Variants in STK32B observed in about 807,000 individuals in gnomAD.
STK32B encodes serine/threonine kinase 32B.
A neutral mutation model predicts 52.6 loss-of-function variants in STK32B; 43 were observed. The observed-to-expected ratio is 0.82, with a 90% CI of 0.64 to 1.05. STK32B has a LOEUF of 1.05. STK32B is among the 50% of genes least tolerant of loss of function. The probability of loss-of-function intolerance (pLI) is 0.00; values close to 1 mark genes in which losing one functional copy is unlikely to be tolerated. For synonymous variants in STK32B, 238 were observed against 204.3 expected (o/e 1.17, Z -1.41); for missense variants, 621 against 534.6 (o/e 1.16, Z -1.59).
chr4:5,031,836 G>A, the STK32B span, among the ~76,000 whole-genome samples: 1 of 152,136 alleles, frequency 6.6e-6, no homozygotes, highest in Non-Finnish European at 1.5e-5. Context: ...ACCCAGTTGT[G>A]GGTGTGAGGA....
chr4:5,457,364 C>G (rs1292223132), intron 8 of STK32B, among the ~76,000 whole-genome samples: 6 of 151,172 alleles, frequency 4.0e-5, no homozygotes, highest in Admixed American at 4.0e-4. Context: ...TACAGGCACC[C>G]GCCAACACGC....
chr4:5,155,279 A>G (rs1717724220), intron 2 of STK32B, among the ~76,000 whole-genome samples: 1 of 152,086 alleles, frequency 6.6e-6, no homozygotes, highest in Admixed American at 6.5e-5. Context: ...CCTTTTCTTT[A>G]TAGCACCTAT....
intron 1 of STK32B, chr4:5,126,965 G>A (rs960942880): frequency 1.3e-5 from 5 of 398,804 alleles, no homozygotes; most frequent in Non-Finnish European, 2.5e-5. Flanking sequence ...ATAGGTAATA[G>A]TTGGGATACT....
chr4:5,180,784 A>G (rs1056911364), intron 3 of STK32B, among the ~76,000 whole-genome samples: 3 of 152,150 alleles, frequency 2.0e-5, no homozygotes, highest in Admixed American at 6.5e-5. Flanking sequence ...GTGCTCTACA[A>G]CTGGTAGAGG....
At chr4:5,079,637 G>A (rs915415543) in intron 1 of STK32B, among the ~76,000 whole-genome samples, 3 of 152,048 alleles carry the variant, frequency 2.0e-5, no homozygotes, top group African/African-American at 7.2e-5. Context: ...CTTTTGAGAG[G>A]CCTAGGTCAA....
chr4:5,326,435 C>T (rs571526192), intron 3 of STK32B, among the ~76,000 whole-genome samples: 13 of 152,038 alleles, frequency 8.6e-5, no homozygotes, highest in Non-Finnish European at 1.3e-4. Context: ...AGGGATGGAT[C>T]TTTCTTCTGA....
chr4:5,475,008 G>A (rs1718127906), intron 11 of STK32B, among the ~76,000 whole-genome samples: 1 of 152,162 alleles, frequency 6.6e-6, no homozygotes, highest in African/African-American at 2.4e-5. Flanking sequence ...TCAGTGACCT[G>A]ACGCAGCGGG....
the STK32B span, among the ~76,000 whole-genome samples, chr4:5,029,196 C>A: frequency 6.6e-6 from 1 of 152,172 alleles, no homozygotes; most frequent in African/African-American, 2.4e-5. Context: ...TGCAGAACCC[C>A]CTCCACTGAG....
chr4:5,151,365 C>T (rs1298143603), intron 2 of STK32B, among the ~76,000 whole-genome samples: 1 of 152,170 alleles, frequency 6.6e-6, no homozygotes, highest in Non-Finnish European at 1.5e-5. Flanking sequence ...AACCATCCTC[C>T]TAATATTGAA....
rs1197877399 is a variant in STK32B, at chr4:5,051,884, C to T, written c.21C>T (p.His7=). The T allele has an allele frequency of 6.2e-7, 1 of 1,600,660 alleles. No homozygotes were observed. The highest frequency in any genetic ancestry group is 1.1e-5 in the South Asian group (1 of 88,454). The change falls in exon 1 of 12, where the codon CAC becomes CAT. Residue 7 remains histidine, a synonymous_variant. Coordinates refer to ENST00000282908, the MANE Select transcript of STK32B (RefSeq NM_018401.3). ...GGAATATGGGCGGGAACCACTCCCACAAGCCCCCCGTGTTTGACGAGAATG... is the reference window on the plus strand; with the variant it reads ...GGAATATGGGCGGGAACCACTCCCATAAGCCCCCCGTGTTTGACGAGAATG... MGGNHS[H]KPPVFDENEE... is the part of the protein sequence containing the mutation.
intron 3 of STK32B, among the ~76,000 whole-genome samples, chr4:5,286,231 A>C (rs1728531194): frequency 6.6e-6 from 1 of 152,224 alleles, no homozygotes; most frequent in African/African-American, 2.4e-5. Flanking sequence ...AACTACATTA[A>C]AAACCATTTT....
chr4:5,388,309 G>T (rs1736388502), intron 4 of STK32B, among the ~76,000 whole-genome samples: 2 of 152,210 alleles, frequency 1.3e-5, no homozygotes, highest in Admixed American at 6.5e-5. Flanking sequence ...AGGGATGGGT[G>T]CAGGGGATGG....
chr4:5,374,130 C>T (rs1322740122), intron 4 of STK32B, among the ~76,000 whole-genome samples: 1 of 152,116 alleles, frequency 6.6e-6, no homozygotes, highest in African/African-American at 2.4e-5. Context: ...CCAAGGAATG[C>T]CAGGAACCAC....
intron 3 of STK32B, among the ~76,000 whole-genome samples, chr4:5,275,613 G>A (rs896434211): frequency 2.0e-5 from 3 of 152,102 alleles, no homozygotes; most frequent in Middle Eastern, 3.4e-3. Flanking sequence ...ATGTTGTCTC[G>A]GTGATTGCCA....
chr4:5,154,670 A>G (rs111819251), intron 2 of STK32B, among the ~76,000 whole-genome samples: 3,674 of 152,154 alleles, frequency 0.024, 91 homozygotes, highest in African/African-American at 0.056. Context: ...CATCCTCACC[A>G]TCTCTCTCAC....
At chr4:5,305,572 G>C (rs1009747766) in intron 3 of STK32B, among the ~76,000 whole-genome samples, 1 of 151,930 alleles carries the variant, frequency 6.6e-6, no homozygotes, top group Non-Finnish European at 1.5e-5. Flanking sequence ...TTCTAATTGA[G>C]CTTATTTGGA....
At chr4:5,245,422 A>G (rs550692042) in intron 3 of STK32B, among the ~76,000 whole-genome samples, 105 of 151,738 alleles carry the variant, frequency 6.9e-4, no homozygotes, top group African/African-American at 2.3e-3. Flanking sequence ...TTTGTTTTCC[A>G]TTTGCTTGGT....
chr4:5,199,792 G>A (rs958236721), intron 3 of STK32B, among the ~76,000 whole-genome samples: 14 of 136,894 alleles, frequency 1.0e-4, no homozygotes, highest in Non-Finnish European at 1.9e-4. Flanking sequence ...CCCCACTTAC[G>A]CCACAAAACC....
chr4:5,227,429 T>C (rs1448416297), intron 3 of STK32B, among the ~76,000 whole-genome samples: 1 of 152,240 alleles, frequency 6.6e-6, no homozygotes, highest in Non-Finnish European at 1.5e-5. Context: ...TTTTAAAATT[T>C]AATTTATTAA....
Sources: allele counts gnomAD v4.1 joint callset (sites outside exome capture counted in the v4.1 genomes callset), GRCh38; gene constraint gnomAD v4.1.1; transcripts MANE v1.5; gene names NCBI Gene and HGNC (gene_info 2026-07-23, HGNC 2026-07-21).